Variants in CDC25B observed in about 807,000 individuals in gnomAD.
CDC25B encodes M-phase inducer phosphatase 2.
A neutral mutation model predicts 69.8 loss-of-function variants in CDC25B; 33 were observed. The observed-to-expected ratio is 0.47, with a 90% CI of 0.36 to 0.63. The LOEUF (loss-of-function observed/expected upper bound fraction) is 0.63, where lower values mean the gene tolerates loss of function less well. CDC25B is among the 30% of genes least tolerant of loss of function. CDC25B has a pLI of 0.00. For synonymous variants in CDC25B, 341 were observed against 314.6 expected, an observed-to-expected ratio of 1.08 and a Z score of -0.89; for missense variants, 727 against 809.1, an observed-to-expected ratio of 0.90 and a Z score of 1.23.
chr20:3,789,858 G>A (rs1045257502), intron 1 of CDC25B, among the ~76,000 whole-genome samples: 17 of 152,086 alleles, frequency 1.1e-4, no homozygotes, highest in East Asian at 1.9e-4. Context: ...GCATGGTGGC[G>A]GGCGCCTGTA....
chr20:3,802,865 A>G, intron 11 of CDC25B, 45 bp from the exon 12 acceptor site: 1 of 1,486,572 alleles, frequency 6.7e-7, no homozygotes, highest in Non-Finnish European at 9.4e-7. Context: ...TGGTCTTACC[A>G]ATTTAACTTT....
rs2089439784 is a variant in CDC25B at position 3,805,292 on chromosome 20, C to T, written c.*331C>T. ...CTTCATCTTCCTGTGTCCTGAAACG[C>T]TCCTTTGTGTGTGTGTCAGCTGAGG... is the stretch of plus-strand genomic sequence containing the variant. On this transcript the variant is annotated 3_prime_UTR_variant, in exon 16 of 16. Transcript: ENST00000245960. The T allele has an allele frequency of 1.7e-5, 6 of 357,148 alleles. No homozygotes were observed. The South Asian group carries it at 2.0e-4, about 12-fold the overall frequency. 22.1% of individuals were successfully genotyped at this position (357,148 alleles called of 1,614,324 possible).
Position 3,798,429 on chromosome 20 carries a change from C to T in CDC25B, c.346C>T (p.Pro116Ser). The change falls in exon 3 of 16, where the codon CCC becomes TCC. Residue 116 changes from proline to serine, a missense_variant. Coordinates refer to ENST00000245960, the MANE Select transcript of CDC25B (RefSeq NM_021873.4). ...SSDAGLCMDS[P>S]SPMDPHMAEQ... The stretch of plus-strand genomic sequence containing the variant: ...CCCCTCAGGTCTCTGCATGGATTCC[C>T]CCAGCCCTATGGACCCCCACATGGC... 6.3e-7 allele frequency: 1 copy of T among 1,598,440 alleles called. No individual in the cohort carries two copies. Among genetic ancestry groups the T allele is most frequent in the Non-Finnish European group, 8.5e-7 (1 of 1,172,170 alleles).
In CDC25B at chr20:3,804,656, C is replaced by T; in HGVS notation, c.1578C>T (p.Tyr526=). 6.2e-7 allele frequency: 1 copy of T among 1,612,198 alleles called. No individual in the cohort carries two copies. Among genetic ancestry groups the T allele is most frequent in the South Asian group, 1.1e-5 (1 of 91,042 alleles). ...YPEMYILKGG[Y]KEFFPQHPNF... ...AGATGTATATCCTGAAAGGCGGCTA[C>T]AAGGAGTTCTTCCCTCAGCACCCGG... Residue 526 remains tyrosine, a synonymous_variant, in exon 15 of 16, where the codon TAC becomes TAT. Transcript: ENST00000245960.
Position 3,800,314 on chromosome 20 carries a change from GC to G in CDC25B, c.409del (p.Arg137GlyfsTer18). 1 of 1,614,114 alleles carries G rather than the reference GC, an allele frequency of 6.2e-7. No individual in the cohort carries two copies. Among genetic ancestry groups the G allele is most frequent in the South Asian group, 1.1e-5 (1 of 91,080 alleles). ...TTTGAACAGGCCATCCAGGCAGCCAGCCGGATCATTCGAAAGTAAGTGTTCC... is the reference window on the plus strand; with the variant it reads ...TTTGAACAGGCCATCCAGGCAGCCAGCGGATCATTCGAAAGTAAGTGTTCC... The part of the protein sequence containing the change: ...QTFEQAIQAA[S>X]RIIRNEQFAI... On this transcript the variant is annotated frameshift_variant, in exon 4 of 16. Coordinates refer to ENST00000245960, the MANE Select transcript of CDC25B (RefSeq NM_021873.4). LOFTEE classifies it high-confidence loss of function.
In CDC25B at chr20:3,804,700, C is replaced by CCA; in HGVS notation, c.1602+23_1602+24dup. 6.2e-7 allele frequency: 1 copy of CCA among 1,602,652 alleles called. No homozygotes were observed. Among genetic ancestry groups the CCA allele is most frequent in the Middle Eastern group, 1.7e-4 (1 of 6,032 alleles). On this transcript the variant is annotated intron_variant, in intron 15 of 15. Transcript: ENST00000245960. The stretch of plus-strand genomic sequence containing the variant: ...CACCCGGTAGCGTGGGTGGGGAAGG[C>CCA]CACAGTCTCTGTGTGAGGGTTGGCT...
At chr20:3,799,521 TGTGTGC>T (rs1408109385) in intron 3 of CDC25B, among the ~76,000 whole-genome samples, 18 of 50,730 alleles carry the variant, frequency 3.5e-4, no homozygotes, top group African/African-American at 1.5e-3. Context: ...TGTGTGTGTG[TGTGTGC>T]GCGCGCGCGC....
At chr20:3,799,066 C>A (rs1207683833) in intron 3 of CDC25B, among the ~76,000 whole-genome samples, 7 of 152,192 alleles carry the variant, frequency 4.6e-5, no homozygotes, top group Admixed American at 4.6e-4. Context: ...TCTTCCAGAG[C>A]ACAGCTGTTC....
Position 3,796,679 on chromosome 20 carries a change from T to C in CDC25B, c.148T>C (p.Ser50Pro). 1 of 1,527,302 alleles carries C rather than the reference T, an allele frequency of 6.5e-7. No homozygotes were observed. Among genetic ancestry groups the C allele is most frequent in the Non-Finnish European group, 8.7e-7 (1 of 1,147,256 alleles). The allele number at this position is 1,527,302 out of a possible 1,614,324, so 94.6% of individuals were successfully genotyped here. Residue 50 changes from serine to proline, a missense_variant, in exon 1 of 16, where the codon TCG (serine) becomes CCG (proline). Around this residue, in one of 2 missense-constraint regions of CDC25B, gnomAD observed 368 missense variants for 345.6 expected, o/e 1.06. Coordinates refer to ENST00000245960, the MANE Select transcript of CDC25B (RefSeq NM_021873.4). ...GTCCCCGGTGCGGGCGGCCGCTTCC[T>C]CGCCGGTCACCACCCTCACCCAGAC... ...LGSPVRAAAS[S>P]PVTTLTQTMH...
intron 1 of CDC25B, 77 bp downstream of exon 1, chr20:3,796,808 A>G: frequency 6.8e-7 from 1 of 1,480,114 alleles, no homozygotes; most frequent in Non-Finnish European, 8.9e-7. Flanking sequence ...AGAACTGGGC[A>G]TGGTAGTCGA....
At chr20:3,788,923 A>T (rs35992650) in intron 1 of CDC25B, among the ~76,000 whole-genome samples, 1 of 143,754 alleles carries the variant, frequency 7.0e-6, no homozygotes, top group East Asian at 2.1e-4. Flanking sequence ...GCCCCTCCTT[A>T]GTGCCATACA....
At position 3,801,075 on chromosome 20, in the gene CDC25B, C is replaced by T; in HGVS notation, c.687C>T (p.Ser229=). ...SRREAFAQRP[S]SAPDLMCLSP... is the part of the protein sequence containing the mutation. ...GGGAAGCCTTTGCCCAGAGACCCAG[C>T]TCGGCCCCCGACCTGATGGTACATC... is the stretch of plus-strand genomic sequence containing the variant. Residue 229 remains serine (S), a synonymous_variant, in exon 7 of 16, where the codon AGC becomes AGT. Transcript: ENST00000245960. The T allele has an allele frequency of 6.2e-7, 1 of 1,614,058 alleles. No individual in the cohort carries two copies.
chr20:3,797,842 A>G lies in CDC25B; in HGVS notation c.328+93A>G, dbSNP rs1447038615. 4.0e-6 allele frequency: 6 copies of G among 1,487,062 alleles called. No homozygotes were observed. In the African/African-American group the frequency reaches 5.5e-5, roughly 14 times the overall value. 92.1% of individuals were successfully genotyped at this position (1,487,062 alleles called of 1,614,324 possible). A position where few individuals can be genotyped will look rare whatever the true frequency, so the allele number is the denominator to read the frequency against. On this transcript the variant is annotated intron_variant, in intron 2 of 15. Coordinates refer to ENST00000245960, the MANE Select transcript of CDC25B (RefSeq NM_021873.4). ...CCCAATTTCCCTGCCGATCAAACTA[A>G]CATCCTCCCCACAACCTGGTGGGCC...
upstream of CDC25B, among the ~76,000 whole-genome samples, chr20:3,792,770 A>G (rs1327999920): frequency 6.6e-6 from 1 of 152,084 alleles, no homozygotes. Context: ...CCAGCGAGTC[A>G]CTTGGATTAT....
Position 3,802,007 on chromosome 20 carries a change from G to T in CDC25B, c.1005G>T (p.Arg335Ser). Reference sequence around the variant, plus strand: ...GCGTGATCCGGCCCATCCTCAAGAGGCTGGAGCGGCCCCAGGACAGGGACA... The same window carrying T: ...GCGTGATCCGGCCCATCCTCAAGAGTCTGGAGCGGCCCCAGGACAGGGACA... ...PCSVIRPILK[R>S]LERPQDRDTP... The change falls in exon 10 of 16, where the codon AGG becomes AGT. Residue 335 changes from arginine to serine, a missense_variant. Arg to Ser is a moderately radical substitution (Grantham distance 110). This residue lies in a region of CDC25B where 359 missense variants were observed against 463.4 expected (regional missense o/e 0.77). Coordinates refer to ENST00000245960, the MANE Select transcript of CDC25B (RefSeq NM_021873.4). The T allele has an allele frequency of 6.2e-7, 1 of 1,600,826 alleles. No individual in the cohort carries two copies.
At chr20:3,801,476 A>T (rs983241919) in intron 8 of CDC25B, 88 bp downstream of exon 8, 21 of 1,432,408 alleles carry the variant, frequency 1.5e-5, no homozygotes, top group Middle Eastern at 3.7e-4. Flanking sequence ...TGGCAGGACC[A>T]TGATGTCATT....
At chr20:3,791,153 A>G (rs2088909450) in intron 1 of CDC25B, among the ~76,000 whole-genome samples, 1 of 152,092 alleles carries the variant, frequency 6.6e-6, no homozygotes, top group South Asian at 2.1e-4. Flanking sequence ...CAAAGGAATC[A>G]CCTCCCCTAT....
At position 3,803,307 on chromosome 20, in the gene CDC25B, T is replaced by C. The variant is rs1040196285; in HGVS notation, c.1357-97T>C. 1.3e-6 allele frequency: 2 copies of C among 1,584,246 alleles called. No homozygotes were observed. Among genetic ancestry groups the C allele is most frequent in the Non-Finnish European group, 1.7e-6 (2 of 1,156,418 alleles). ...GGTGGAGGACGGGTGCCCCCTCTCA[T>C]GGGGAGGGTTCCTACTAAGAGAAGG... On this transcript the variant is annotated intron_variant, in intron 13 of 15. Transcript: ENST00000245960. The surrounding 1 kb of genome is among the most constrained non-coding windows in gnomAD (Gnocchi z 4.9).
Position 3,796,541 on chromosome 20 carries a change from C to T in CDC25B, c.10C>T (p.Pro4Ser), listed in dbSNP as rs926222369. 1 of 1,484,966 alleles carries T rather than the reference C, an allele frequency of 6.7e-7. No individual in the cohort carries two copies. Among genetic ancestry groups the T allele is most frequent in the Admixed American group, 2.3e-5 (1 of 43,944 alleles). 92.0% of individuals were successfully genotyped at this position (1,484,966 alleles called of 1,614,324 possible). Residue 4 changes from proline to serine, a missense_variant, in exon 1 of 16, where the codon CCC becomes TCC. By Grantham distance (74) the Pro-to-Ser change is moderately conservative. This residue lies in a region of CDC25B where 368 missense variants were observed against 345.6 expected (regional missense o/e 1.06). Transcript: ENST00000245960. Reference sequence around the variant, plus strand: ...TGCCGGCCCCGCCGCGATGGAGGTGCCCCAGCCGGAGCCCGCGCCAGGCTC... The same window carrying T: ...TGCCGGCCCCGCCGCGATGGAGGTGTCCCAGCCGGAGCCCGCGCCAGGCTC... Reference protein sequence around the residue: MEVPQPEPAPGSAL... With the variant: MEVSQPEPAPGSAL...
Sources: allele counts gnomAD v4.1 joint callset (sites outside exome capture counted in the v4.1 genomes callset), GRCh38; gene constraint gnomAD v4.1.1; regional missense constraint gnomAD v4.1.1; non-coding constraint Gnocchi (gnomAD v3.1); transcripts MANE v1.5; gene names NCBI Gene and HGNC (gene_info 2026-07-23, HGNC 2026-07-21).